DEPTOR: variants seen among roughly 807,000 people sequenced by gnomAD.
The protein encoded by DEPTOR is DEP domain-containing mTOR-interacting protein.
Under a neutral mutation model 41.6 loss-of-function variants are expected in DEPTOR, and 41 were observed. That is an observed-to-expected ratio of 0.98 (90% confidence interval 0.77 to 1.28). The LOEUF (loss-of-function observed/expected upper bound fraction) is 1.28. Among genes scored for constraint, DEPTOR ranks in the 50% most tolerant of loss-of-function variants. DEPTOR has a pLI of 0.00. For missense variants in DEPTOR, 514 were observed against 527.9 expected (o/e 0.97, Z 0.26); for synonymous variants, 195 against 192.3 (o/e 1.01, Z -0.12).
intron 3 of DEPTOR, among the ~76,000 whole-genome samples, chr8:119,961,909 T>A (rs560197287): frequency 1.3e-5 from 2 of 152,070 alleles, no homozygotes; most frequent in African/African-American, 4.8e-5. Flanking sequence ...GATGACACAA[T>A]GACCGTGACA....
intron 8 of DEPTOR, among the ~76,000 whole-genome samples, chr8:120,020,117 T>C (rs1812676747): frequency 6.6e-6 from 1 of 152,160 alleles, no homozygotes; most frequent in Non-Finnish European, 1.5e-5. Flanking sequence ...AGACAGAGTC[T>C]CACTCTGTCA....
At position 120,045,440 on chromosome 8, in the gene DEPTOR, G is replaced by C. The variant is rs141124339; in HGVS notation, c.1102-4136G>C. 9.4e-3 allele frequency among the ~76,000 whole-genome samples: 1,438 copies of C among 152,212 alleles called. 21 individuals are homozygous for C. Among genetic ancestry groups the C allele is most frequent in the African/African-American group, 0.033 (1,383 of 41,534 alleles). ...GGCTGGAATGCAGTGGCATGATCTTGGTTCACTGCAGCTTCAACCGCCTGG... is the reference window on the plus strand; with the variant it reads ...GGCTGGAATGCAGTGGCATGATCTTCGTTCACTGCAGCTTCAACCGCCTGG... On this transcript the variant is annotated intron_variant, in intron 8 of 8. Transcript: ENST00000286234.
chr8:120,002,844 G>T, intron 5 of DEPTOR, 133 bp from the exon 6 acceptor site: 1 of 744,612 alleles, frequency 1.3e-6, no homozygotes, highest in Non-Finnish European at 1.9e-6. Flanking sequence ...TGCAACTCAA[G>T]TTCTTGTTTT....
chr8:119,975,870 CTTTTTTTTTTTT>C (rs34482727), intron 4 of DEPTOR, among the ~76,000 whole-genome samples: 3 of 65,312 alleles, frequency 4.6e-5, no homozygotes, highest in Admixed American at 4.7e-4. Flanking sequence ...ATGCTTGCTC[CTTTTTTTTTTTT>C]TTTTTTTTTT....
At chr8:119,916,094 C>G (rs1827808981) in intron 1 of DEPTOR, among the ~76,000 whole-genome samples, 1 of 151,950 alleles carries the variant, frequency 6.6e-6, no homozygotes, top group African/African-American at 2.4e-5. Context: ...AGTAAAGGCA[C>G]TGAGAAGTTG....
At chr8:119,943,158 TGGGA>T (rs1828225008) in intron 3 of DEPTOR, among the ~76,000 whole-genome samples, 1 of 152,128 alleles carries the variant, frequency 6.6e-6, no homozygotes, top group Non-Finnish European at 1.5e-5. Flanking sequence ...GCTCAGTCAG[TGGGA>T]GGCACTAGTA....
intron 8 of DEPTOR, among the ~76,000 whole-genome samples, chr8:120,019,389 C>T (rs1158700240): frequency 6.6e-6 from 1 of 152,166 alleles, no homozygotes; most frequent in Non-Finnish European, 1.5e-5. Flanking sequence ...TGGTGTCACT[C>T]TCAATCAGAA....
chr8:120,028,913 C>T (rs1484211208), intron 8 of DEPTOR, among the ~76,000 whole-genome samples: 2 of 151,748 alleles, frequency 1.3e-5, no homozygotes, highest in Admixed American at 1.3e-4. Flanking sequence ...GGTGAAACCC[C>T]ATCTCTACTA....
At position 119,932,965 on chromosome 8, in the gene DEPTOR, A is replaced by G. The variant is rs1828064320; in HGVS notation, c.425+3027A>G. Reference sequence around the variant, plus strand: ...GAGACCAGAGTGTCCAGAGGGCAGAAGTAAAGAGGAGAGTAGCAGGAGATG... The same window carrying G: ...GAGACCAGAGTGTCCAGAGGGCAGAGGTAAAGAGGAGAGTAGCAGGAGATG... On this transcript the variant is annotated intron_variant, in intron 3 of 8. Coordinates refer to ENST00000286234, the MANE Select transcript of DEPTOR (RefSeq NM_022783.4). Among the ~76,000 whole-genome samples, 3 of 152,164 alleles carry G rather than the reference A, an allele frequency of 2.0e-5. No homozygotes were observed. The South Asian group carries it at 6.2e-4, about 32-fold the overall frequency.
intron 4 of DEPTOR, among the ~76,000 whole-genome samples, chr8:119,987,893 G>C (rs1451168595): frequency 6.6e-6 from 1 of 152,104 alleles, no homozygotes; most frequent in Non-Finnish European, 1.5e-5. Flanking sequence ...GTCCCAGGTC[G>C]ACCTCTGACT....
intron 3 of DEPTOR, among the ~76,000 whole-genome samples, chr8:119,936,786 G>A (rs1828118977): frequency 6.6e-6 from 1 of 152,196 alleles, no homozygotes; most frequent in Non-Finnish European, 1.5e-5. Flanking sequence ...CACTTTGGGA[G>A]GCCAAGGTGG....
rs188578876 is a variant in DEPTOR at position 119,954,933 on chromosome 8, A to G, written c.426-10299A>G. The stretch of plus-strand genomic sequence containing the variant: ...GAGTGCAGTGGCACAATCTTGGCTC[A>G]CTGGAACCTCCGTCTCCTGGGTTCA... On this transcript the variant is annotated intron_variant, in intron 3 of 8. Transcript: ENST00000286234. 3.7e-4 allele frequency among the ~76,000 whole-genome samples: 56 copies of G among 151,972 alleles called. No homozygotes were observed. The East Asian group carries it at 8.7e-3, about 24-fold the overall frequency.
chr8:120,037,026 A>G (rs1254635980), intron 8 of DEPTOR, among the ~76,000 whole-genome samples: 1 of 152,228 alleles, frequency 6.6e-6, no homozygotes, highest in Non-Finnish European at 1.5e-5. Context: ...AATGAATAAC[A>G]TCATCACTTA....
At chr8:119,923,862 C>T (rs1013421478) in intron 1 of DEPTOR, among the ~76,000 whole-genome samples, 1 of 147,618 alleles carries the variant, frequency 6.8e-6, no homozygotes, top group African/African-American at 2.5e-5. Flanking sequence ...TTTCCCTTCC[C>T]TCTGTTTTTC....
At chr8:119,983,153 A>C (rs905002980) in intron 4 of DEPTOR, among the ~76,000 whole-genome samples, 2 of 152,196 alleles carry the variant, frequency 1.3e-5, no homozygotes, top group Non-Finnish European at 2.9e-5. Flanking sequence ...GTTTCAACAA[A>C]TGTACCATAG....
chr8:119,956,688 C>G (rs1387284539), intron 3 of DEPTOR, among the ~76,000 whole-genome samples: 9 of 124,506 alleles, frequency 7.2e-5, no homozygotes, highest in Admixed American at 4.9e-4. Flanking sequence ...CCACACAGGT[C>G]TCCTTTTTTT....
chr8:119,992,955 C>A (rs948073035), intron 4 of DEPTOR, among the ~76,000 whole-genome samples: 2 of 152,066 alleles, frequency 1.3e-5, no homozygotes, highest in Admixed American at 6.6e-5. Flanking sequence ...CTGCGCCCAA[C>A]GAAAATAGTT....
chr8:119,883,652 T>G (rs997948119), intron 1 of DEPTOR, among the ~76,000 whole-genome samples: 3 of 152,090 alleles, frequency 2.0e-5, no homozygotes, highest in Non-Finnish European at 2.9e-5. Context: ...GGCTCAAGTC[T>G]TTCCACCTAT....
intron 1 of DEPTOR, among the ~76,000 whole-genome samples, chr8:119,908,225 C>G (rs912826622): frequency 3.3e-5 from 5 of 152,186 alleles, no homozygotes; most frequent in Admixed American, 1.3e-4. Flanking sequence ...CTCTGTGTCC[C>G]CCTTTCTATA....
Sources: allele counts gnomAD v4.1 joint callset (sites outside exome capture counted in the v4.1 genomes callset), GRCh38; gene constraint gnomAD v4.1.1; transcripts MANE v1.5; gene names NCBI Gene and HGNC (gene_info 2026-07-23, HGNC 2026-07-21).